Variants in HK1 observed in about 807,000 individuals in gnomAD.
HK1 encodes the protein hexokinase-1.
In HK1, 28 loss-of-function variants were observed where a neutral mutation model predicts 91.6. The observed-to-expected ratio is 0.31, with a 90% CI of 0.23 to 0.42. The LOEUF is 0.42. Among genes scored for constraint, HK1 ranks in the 10% least tolerant of loss-of-function variants. The probability of loss-of-function intolerance (pLI) is 1.00; values close to 1 mark genes in which losing one functional copy is unlikely to be tolerated. For synonymous variants in HK1, 430 were observed against 468.1 expected, an observed-to-expected ratio of 0.92 and a Z score of 1.05; for missense variants, 770 against 1,219.8, an observed-to-expected ratio of 0.63 and a Z score of 5.49.
At chr10:69,272,008 C>T (rs1844196517) in intron 1 of HK1, among the ~76,000 whole-genome samples, 1 of 152,122 alleles carries the variant, frequency 6.6e-6, no homozygotes, top group Non-Finnish European at 1.5e-5. Context: ...GGATTACAGG[C>T]ACCTGCCACC....
chr10:69,306,628 G>C lies in HK1; in HGVS notation c.27+5767G>C, dbSNP rs12243716. 2.6e-5 allele frequency among the ~76,000 whole-genome samples: 4 copies of C among 152,288 alleles called. No homozygotes were observed. The East Asian group carries it at 7.7e-4, about 29-fold the overall frequency. On this transcript the variant is annotated intron_variant, in intron 5 of 21. Transcript: ENST00000360289. ...ATAAGTAAAGTAAGCATAGAATAAAGGAAGCAGTCAAATATGCGTTTGGCG... is the reference window on the plus strand; with the variant it reads ...ATAAGTAAAGTAAGCATAGAATAAACGAAGCAGTCAAATATGCGTTTGGCG...
chr10:69,369,770 G>C lies in HK1; in HGVS notation c.875+146G>C, dbSNP rs1849903176. 3.7e-6 allele frequency: 3 copies of C among 811,144 alleles called. No homozygotes were observed. The highest frequency in any genetic ancestry group is 6.2e-6 in the Non-Finnish European group (3 of 484,400). The allele number at this position is 811,144 out of a possible 1,614,324, so 50.2% of individuals were successfully genotyped here. On this transcript the variant is annotated intron_variant, in intron 7 of 17. Transcript: ENST00000359426. This position sits in a 1 kb window ranked among gnomAD's most constrained non-coding sequence, Gnocchi z 4.4. The stretch of plus-strand genomic sequence containing the variant: ...CATTTTTTTTTTGAGGCGGAGTCTT[G>C]CTCTGTCACCCAGGCTGGAGTGCAG...
At position 69,386,426 on chromosome 10, in the gene HK1, T is replaced by C. The variant is rs781086092; in HGVS notation, c.1935+8T>C. 10 of 1,594,788 alleles carry C rather than the reference T, an allele frequency of 6.3e-6. No homozygotes were observed. The highest frequency in any genetic ancestry group is 8.6e-6 in the Non-Finnish European group (10 of 1,162,696). On this transcript the variant is annotated splice_region_variant and intron_variant, in intron 13 of 17. Coordinates refer to ENST00000359426, the MANE Select transcript of HK1 (RefSeq NM_000188.3). ...GCGATAAAAAGGAGAGAGGTAACTA[T>C]TAAAAGAATGTTTTTTAAAATCTTT... is the stretch of plus-strand genomic sequence containing the variant.
At chr10:69,275,247 A>G (rs1358015604) in intron 1 of HK1, among the ~76,000 whole-genome samples, 2 of 151,080 alleles carry the variant, frequency 1.3e-5, no homozygotes, top group African/African-American at 2.4e-5. Context: ...AAGGCCGGGC[A>G]CGGTGGCTCA....
At chr10:69,293,753 C>T (rs1845402985) in intron 3 of HK1, among the ~76,000 whole-genome samples, 2 of 151,638 alleles carry the variant, frequency 1.3e-5, no homozygotes, top group Admixed American at 1.3e-4. Flanking sequence ...ATGTGCCACA[C>T]ATGTTCAGCA....
intron 3 of HK1, among the ~76,000 whole-genome samples, chr10:69,290,998 C>T (rs891046818): frequency 3.3e-5 from 5 of 152,218 alleles, no homozygotes; most frequent in Admixed American, 1.3e-4. Flanking sequence ...TCCTTCACCC[C>T]GCAACCAGAG....
chr10:69,301,232 A>G (rs112594903), intron 5 of HK1, among the ~76,000 whole-genome samples: 2,986 of 137,804 alleles, frequency 0.022, 104 homozygotes, highest in African/African-American at 0.076. Context: ...GTGACAGAGC[A>G]AGACTCCATC....
Position 69,299,555 on chromosome 10 carries a change from C to T in HK1, c.-66-1214C>T, listed in dbSNP as rs568200929. 9.3e-5 allele frequency among the ~76,000 whole-genome samples: 14 copies of T among 151,024 alleles called. 1 individual carries two copies. The highest frequency in any genetic ancestry group is 2.2e-4 in the African/African-American group (9 of 40,798). On this transcript the variant is annotated intron_variant, in intron 4 of 21. Transcript: ENST00000360289. ...CTAATTTTTGTATTTTTAGTAGAGACGGGGTTTCACCATGTTGGTTAAGTT... is the reference window on the plus strand; with the variant it reads ...CTAATTTTTGTATTTTTAGTAGAGATGGGGTTTCACCATGTTGGTTAAGTT...
At chr10:69,306,351 C>G (rs562284511) in intron 5 of HK1, among the ~76,000 whole-genome samples, 137 of 150,134 alleles carry the variant, frequency 9.1e-4, no homozygotes, top group African/African-American at 3.2e-3. Flanking sequence ...GAGTGAGACT[C>G]TGTCTCAAAA....
intron 3 of HK1, among the ~76,000 whole-genome samples, chr10:69,292,606 G>C (rs1234824790): frequency 6.6e-6 from 1 of 152,036 alleles, no homozygotes; most frequent in South Asian, 2.1e-4. Flanking sequence ...TGGGGAGGAA[G>C]AAGAAGAGCT....
intron 1 of HK1, among the ~76,000 whole-genome samples, chr10:69,275,856 G>T (rs974338342): frequency 6.6e-6 from 1 of 151,684 alleles, no homozygotes; most frequent in South Asian, 2.1e-4. Context: ...TTGGGAGGCC[G>T]AGGCAGGTGG....
rs369126912 is a variant in HK1 at position 69,293,953 on chromosome 10, C to T, written c.-114-1680C>T. Among the ~76,000 whole-genome samples the T allele has an allele frequency of 5.2e-4, 78 of 150,148 alleles. No homozygotes were observed. The South Asian group carries it at 0.016, about 31-fold the overall frequency. ...CTCGGCTCACTGCAAGCTCCGCCTC[C>T]CGGGTTCACGCCATTCTCCTGCCTC... On this transcript the variant is annotated intron_variant, in intron 3 of 21. Coordinates refer to the HK1 transcript ENST00000360289.
intron 17 of HK1, 79 bp downstream of exon 17, chr10:69,398,907 G>T: frequency 8.7e-7 from 1 of 1,146,836 alleles, no homozygotes; most frequent in Admixed American, 1.9e-5. Flanking sequence ...TGTGGTTTAC[G>T]CTGGGGAAAT....
chr10:69,312,178 A>T (rs1396722939), upstream of HK1, among the ~76,000 whole-genome samples: 1 of 152,232 alleles, frequency 6.6e-6, no homozygotes, highest in African/African-American at 2.4e-5. Context: ...CACATTTTCT[A>T]ATATGCCTAG....
intron 11 of HK1, 21 bp from the exon 12 acceptor site, chr10:69,384,775 A>G: frequency 1.2e-6 from 2 of 1,614,002 alleles, no homozygotes; most frequent in Non-Finnish European, 1.7e-6. Context: ...AGCACGGGCG[A>G]TCCTTTCTTT....
chr10:69,359,612 G>A (rs1373909672), intron 2 of HK1, among the ~76,000 whole-genome samples: 3 of 152,214 alleles, frequency 2.0e-5, no homozygotes, highest in African/African-American at 7.2e-5. Context: ...GTGGGAATTT[G>A]TACTTAATTC....
intron 1 of HK1, among the ~76,000 whole-genome samples, chr10:69,273,365 G>A (rs879943630): frequency 2.0e-5 from 3 of 152,082 alleles, no homozygotes; most frequent in South Asian, 2.1e-4. Flanking sequence ...ACAGGCGCCC[G>A]TCACCACACC....
chr10:69,313,635 T>G (rs554427704), upstream of HK1, among the ~76,000 whole-genome samples: 302 of 152,088 alleles, frequency 2.0e-3, 2 homozygotes, highest in African/African-American at 6.7e-3. Flanking sequence ...GTAGCTGGGA[T>G]TACAGGCATG....
intron 1 of HK1, among the ~76,000 whole-genome samples, chr10:69,329,864 C>T (rs1847608664): frequency 6.6e-6 from 1 of 152,096 alleles, no homozygotes; most frequent in Non-Finnish European, 1.5e-5. Flanking sequence ...CCCCCAGCCC[C>T]ATTTGCTTAG....
Sources: gnomAD v4.1 joint callset for allele counts (sites outside exome capture counted in the v4.1 genomes callset) on GRCh38, gnomAD v4.1.1 for gene constraint, Gnocchi (gnomAD v3.1) non-coding constraint, MANE v1.5 for transcripts, NCBI Gene and HGNC (gene_info 2026-07-23, HGNC 2026-07-21) for gene names.